The following BRINP3 variants were observed in gnomAD, a reference collection of about 807,000 sequenced individuals.
BRINP3 encodes BMP/retinoic acid-inducible neural-specific protein 3.
In BRINP3, 19 loss-of-function variants were observed where a neutral mutation model predicts 71.0. The observed-to-expected ratio is 0.27, with a 90% CI of 0.19 to 0.39. The LOEUF (loss-of-function observed/expected upper bound fraction) is 0.39. Ranked by LOEUF, BRINP3 falls within the 10% of genes least tolerant of loss-of-function variation. The probability of loss-of-function intolerance (pLI) is 1.00; values close to 1 mark genes in which losing one functional copy is unlikely to be tolerated. For synonymous variants in BRINP3, 380 were observed against 337.7 expected (o/e 1.13, Z -1.37); for missense variants, 959 against 940.8 (o/e 1.02, Z -0.25).
In BRINP3 at chr1:190,109,500, C is replaced by T. The variant is rs181161178; in HGVS notation, c.1185-10366G>A. On this transcript the variant is annotated intron_variant, in intron 7 of 7. Coordinates refer to ENST00000367462, the MANE Select transcript of BRINP3 (RefSeq NM_199051.3). ...TAATCATAAGTATACAATGTGATGGCTAAGTTTTGGTGTCAACTTCACTGG... is the reference window on the plus strand; with the variant it reads ...TAATCATAAGTATACAATGTGATGGTTAAGTTTTGGTGTCAACTTCACTGG... Among the ~76,000 whole-genome samples the T allele has an allele frequency of 1.2e-4, 19 of 152,242 alleles. No homozygotes were observed. The East Asian group carries it at 2.9e-3, about 23-fold the overall frequency.
At chr1:190,396,271 C>T (rs1671560674) in intron 2 of BRINP3, among the ~76,000 whole-genome samples, 1 of 151,850 alleles carries the variant, frequency 6.6e-6, no homozygotes, top group Admixed American at 6.6e-5. Flanking sequence ...GTAAGAATTA[C>T]CAGCTTTTAG....
chr1:190,465,880 TA>T (rs796729998), intron 1 of BRINP3, among the ~76,000 whole-genome samples: 8 of 151,656 alleles, frequency 5.3e-5, no homozygotes, highest in African/African-American at 1.5e-4. Flanking sequence ...AAGACAGTTT[TA>T]AAAAAAAGAT....
At chr1:190,187,446 C>A (rs1304745652) in intron 6 of BRINP3, among the ~76,000 whole-genome samples, 4 of 152,002 alleles carry the variant, frequency 2.6e-5, no homozygotes, top group African/African-American at 7.2e-5. Context: ...TAGGCAAAAA[C>A]CCATTGACCA....
chr1:190,231,235 T>G (rs1437757735), intron 5 of BRINP3, among the ~76,000 whole-genome samples: 1 of 151,764 alleles, frequency 6.6e-6, no homozygotes, highest in East Asian at 1.9e-4. Flanking sequence ...GTCTTCATTT[T>G]TAAGTATGTA....
At chr1:190,362,400 T>C (rs1054338441) in intron 2 of BRINP3, 7 of 151,878 alleles carry the variant, frequency 4.6e-5, no homozygotes, top group Admixed American at 2.6e-4. Flanking sequence ...TTTTGTAGGA[T>C]ATTATGCCTA....
At chr1:190,317,025 A>G (rs1292412405) in intron 2 of BRINP3, among the ~76,000 whole-genome samples, 4 of 151,846 alleles carry the variant, frequency 2.6e-5, no homozygotes, top group Non-Finnish European at 4.4e-5. Context: ...TAGAAAAATT[A>G]GCCGGGCATG....
chr1:190,320,426 G>A (rs1219982000), intron 2 of BRINP3, among the ~76,000 whole-genome samples: 2 of 152,176 alleles, frequency 1.3e-5, no homozygotes, highest in East Asian at 3.9e-4. Context: ...ATTACTAATA[G>A]GAGATCCCAC....
At chr1:190,125,939 A>G (rs939984495) in intron 7 of BRINP3, among the ~76,000 whole-genome samples, 1 of 152,008 alleles carries the variant, frequency 6.6e-6, no homozygotes, top group Non-Finnish European at 1.5e-5. Flanking sequence ...ACACAGAACC[A>G]CAGCTAAAAG....
At chr1:190,199,868 A>C (rs188234702) in intron 6 of BRINP3, among the ~76,000 whole-genome samples, 134 of 152,144 alleles carry the variant, frequency 8.8e-4, no homozygotes, top group African/African-American at 3.2e-3. Context: ...ATAAAACTTA[A>C]AATGGCAAAA....
intron 4 of BRINP3, among the ~76,000 whole-genome samples, chr1:190,248,472 G>A (rs894698827): frequency 4.0e-5 from 6 of 151,402 alleles, no homozygotes; most frequent in African/African-American, 9.7e-5. Flanking sequence ...AGATACTATC[G>A]TCTTAATTTT....
chr1:190,223,723 A>G (rs1465263579), intron 6 of BRINP3, among the ~76,000 whole-genome samples: 2 of 151,938 alleles, frequency 1.3e-5, no homozygotes, highest in Non-Finnish European at 2.9e-5. Flanking sequence ...ACTGGAAAGA[A>G]GAAGTCAAAT....
At chr1:190,172,544 C>T (rs1288534724) in intron 6 of BRINP3, among the ~76,000 whole-genome samples, 1 of 152,098 alleles carries the variant, frequency 6.6e-6, no homozygotes. Context: ...TAAAACATCT[C>T]AGATTGTGGC....
intron 2 of BRINP3, among the ~76,000 whole-genome samples, chr1:190,338,447 T>C (rs1341055048): frequency 1.3e-5 from 2 of 152,098 alleles, no homozygotes; most frequent in African/African-American, 2.4e-5. Context: ...GGGCTACTTA[T>C]CATTTCAACT....
intron 2 of BRINP3, among the ~76,000 whole-genome samples, chr1:190,366,066 A>G (rs1669478717): frequency 6.6e-6 from 1 of 151,912 alleles, no homozygotes. Context: ...GAAACTTAGA[A>G]AGGTAAGATG....
At chr1:190,376,721 G>T (rs1346591788) in intron 2 of BRINP3, among the ~76,000 whole-genome samples, 3 of 152,020 alleles carry the variant, frequency 2.0e-5, no homozygotes, top group African/African-American at 4.8e-5. Context: ...AATTGATAGT[G>T]AATCTATTTC....
chr1:190,447,089 C>T (rs1191227456), intron 2 of BRINP3, among the ~76,000 whole-genome samples: 2 of 151,526 alleles, frequency 1.3e-5, no homozygotes, highest in Non-Finnish European at 3.0e-5. Context: ...ACATGAGGGG[C>T]AAACAAAAGT....
intron 2 of BRINP3, among the ~76,000 whole-genome samples, chr1:190,380,487 T>A (rs1179176507): frequency 6.6e-6 from 1 of 152,056 alleles, no homozygotes; most frequent in Non-Finnish European, 1.5e-5. Flanking sequence ...GAGAAACAAA[T>A]TTTCTACATC....
chr1:190,453,313 C>G (rs1293883792), intron 2 of BRINP3, among the ~76,000 whole-genome samples: 4 of 144,804 alleles, frequency 2.8e-5, no homozygotes, highest in South Asian at 4.6e-4. Context: ...CTCCACCTCC[C>G]GAGTTCAAGC....
intron 2 of BRINP3, among the ~76,000 whole-genome samples, chr1:190,451,416 G>A (rs1005381577): frequency 1.7e-4 from 26 of 152,266 alleles, no homozygotes; most frequent in African/African-American, 6.3e-4. Context: ...TACATATCCT[G>A]ACAGGCTTAC....
Sources: allele counts gnomAD v4.1 joint callset (sites outside exome capture counted in the v4.1 genomes callset), GRCh38; gene constraint gnomAD v4.1.1; transcripts MANE v1.5; gene names NCBI Gene and HGNC (gene_info 2026-07-23, HGNC 2026-07-21).